ERCC6: variants seen among roughly 807,000 people sequenced by gnomAD.
The protein encoded by ERCC6 is ERCC excision repair 6, chromatin remodeling factor, also known as DNA excision repair protein ERCC-6.
Under a neutral mutation model 158.7 loss-of-function variants are expected in ERCC6, and 116 were observed. The ratio of observed to expected loss-of-function variants is 0.73; its 90% CI spans 0.63 to 0.85. The LOEUF is 0.85. ERCC6 is among the 40% of genes least tolerant of loss of function. ERCC6 has a pLI of 0.00. For missense variants in ERCC6, 1,698 were observed against 1,799.4 expected (o/e 0.94, Z 1.02); for synonymous variants, 678 against 659.3 (o/e 1.03, Z -0.43).
chr10:49,509,899 A>T (rs1851505330), intron 5 of ERCC6, among the ~76,000 whole-genome samples: 1 of 152,170 alleles, frequency 6.6e-6, no homozygotes, highest in Non-Finnish European at 1.5e-5. Flanking sequence ...AGCCACATAA[A>T]ACGAAGTGGT....
chr10:49,491,396 G>C (rs1446412752), intron 8 of ERCC6, among the ~76,000 whole-genome samples: 8 of 152,192 alleles, frequency 5.3e-5, no homozygotes, highest in African/African-American at 1.9e-4. Flanking sequence ...AAACTGTAAT[G>C]CTGTTTTTCC....
Position 49,532,604 on chromosome 10 carries a change from T to C in ERCC6, c.361A>G (p.Ser121Gly). 1 of 1,614,220 alleles carries C rather than the reference T, an allele frequency of 6.2e-7. No homozygotes were observed. The highest frequency in any genetic ancestry group is 1.1e-5 in the South Asian group (1 of 91,084). ...ACGTCAACGAGCTGGGAGGCACGGC[T>C]GGCCTCATGGATGGCATTGTCCACC... is the stretch of plus-strand genomic sequence containing the variant. ...QQVDNAIHEA[S>G]RASQLVDVEK... The change falls in exon 2 of 21, where the codon AGC becomes GGC. Residue 121 changes from serine to glycine, a missense_variant. Coordinates refer to ENST00000355832, the MANE Select transcript of ERCC6 (RefSeq NM_000124.4).
intron 3 of ERCC6, among the ~76,000 whole-genome samples, chr10:49,529,903 A>T (rs1410618903): frequency 5.3e-5 from 8 of 152,212 alleles, no homozygotes. Context: ...AAACTTCATA[A>T]AAATAATATC....
Position 49,458,891 on chromosome 10 carries a change from A to G in ERCC6, c.4406T>C (p.Leu1469Pro), listed in dbSNP as rs1430278383. 10 of 1,614,110 alleles carry G rather than the reference A, an allele frequency of 6.2e-6. No homozygotes were observed. The highest frequency in any genetic ancestry group is 8.5e-6 in the Non-Finnish European group (10 of 1,180,040). ...SASQSCVFRELLRNLCTFHRT... is the reference protein window; with the variant it reads ...SASQSCVFREPLRNLCTFHRT... Reference sequence around the variant, plus strand: ...ATGGAAAGTGCACAGATTTCTCAATAGTTCTCGGAAGACACAAGACTGTGA... The same window carrying G: ...ATGGAAAGTGCACAGATTTCTCAATGGTTCTCGGAAGACACAAGACTGTGA... Residue 1469 changes from leucine (L) to proline (P), a missense_variant, in exon 21 of 21, where the codon CTA (leucine) becomes CCA (proline). Transcript: ENST00000355832.
At chr10:49,486,920 G>A (rs1484075392) in intron 8 of ERCC6, among the ~76,000 whole-genome samples, 1 of 152,074 alleles carries the variant, frequency 6.6e-6, no homozygotes, top group Non-Finnish European at 1.5e-5. Flanking sequence ...GTGCATACAC[G>A]CCTCTAAACT....
intron 3 of ERCC6, 81 bp downstream of exon 3, chr10:49,530,639 T>C (rs1837447147): frequency 6.3e-7 from 1 of 1,579,376 alleles, no homozygotes; most frequent in African/African-American, 1.3e-5. Context: ...TTATAAGCAC[T>C]TTTTAAAATA....
At chr10:49,493,276 A>T (rs1851208900) in intron 7 of ERCC6, 24 bp from the exon 8 acceptor site, 2 of 1,613,962 alleles carry the variant, frequency 1.2e-6, no homozygotes, top group African/African-American at 2.7e-5. Context: ...TCCAAGAAGA[A>T]AACAACCATG....
Position 49,532,610 on chromosome 10 carries a change from C to A in ERCC6, c.355G>T (p.Glu119Ter), listed in dbSNP as rs1554794590. 3 of 1,614,228 alleles carry A rather than the reference C, an allele frequency of 1.9e-6. No individual in the cohort carries two copies. Among genetic ancestry groups the A allele is most frequent in the Non-Finnish European group, 2.5e-6 (3 of 1,180,044 alleles). The part of the protein sequence containing the change: ...VLQQVDNAIH[E>*]ASRASQLVDV... ...ACGAGCTGGGAGGCACGGCTGGCCTCATGGATGGCATTGTCCACCTGCTGA... is the reference window on the plus strand; with the variant it reads ...ACGAGCTGGGAGGCACGGCTGGCCTAATGGATGGCATTGTCCACCTGCTGA... Residue 119 changes from glutamate (E) to a stop codon, truncating the protein, a stop_gained, in exon 2 of 21, where the codon GAG becomes TAG. Coordinates refer to ENST00000355832, the MANE Select transcript of ERCC6 (RefSeq NM_000124.4). LOFTEE classifies it high-confidence loss of function.
At chr10:49,484,257 G>A (rs1479338885) in intron 8 of ERCC6, among the ~76,000 whole-genome samples, 5 of 149,558 alleles carry the variant, frequency 3.3e-5, no homozygotes, top group Non-Finnish European at 7.4e-5. Flanking sequence ...CTCCAGCCTG[G>A]GTGACAGTCA....
chr10:49,451,423 A>G (rs1850418901), downstream of ERCC6, among the ~76,000 whole-genome samples: 1 of 152,098 alleles, frequency 6.6e-6, no homozygotes, highest in Non-Finnish European at 1.5e-5. Flanking sequence ...GATTTTTCAT[A>G]GATGTTCTTT....
At chr10:49,475,007 C>G (rs1050520528) in intron 12 of ERCC6, among the ~76,000 whole-genome samples, 1 of 152,136 alleles carries the variant, frequency 6.6e-6, no homozygotes, top group Non-Finnish European at 1.5e-5. Flanking sequence ...CACTAGTAAA[C>G]AACAGTAAAC....
chr10:49,444,794 C>G, the ERCC6 span, among the ~76,000 whole-genome samples: 1 of 152,082 alleles, frequency 6.6e-6, no homozygotes, highest in African/African-American at 2.4e-5. Context: ...TTTTCCAAGA[C>G]AAGAACAACT....
intron 8 of ERCC6, among the ~76,000 whole-genome samples, chr10:49,490,008 C>T (rs1398447396): frequency 6.6e-6 from 1 of 152,064 alleles, no homozygotes; most frequent in East Asian, 1.9e-4. Context: ...ATGAAAGTTG[C>T]TCTATATTAG....
At chr10:49,502,315 T>C (rs1851369444) in intron 6 of ERCC6, 1 of 152,198 alleles carries the variant, frequency 6.6e-6, no homozygotes, top group Non-Finnish European at 1.5e-5. Context: ...ATACACACAC[T>C]GGATATGCAC....
chr10:49,493,516 T>C (rs763905070), intron 7 of ERCC6, among the ~76,000 whole-genome samples: 9 of 152,330 alleles, frequency 5.9e-5, no homozygotes, highest in Non-Finnish European at 8.8e-5. Flanking sequence ...ATAACATCTA[T>C]AGTAACATAA....
In ERCC6 at chr10:49,516,760, G is replaced by C. The variant is rs1177886031; in HGVS notation, c.1397+7273C>G. ...CTACCTGCTACGGGTTGTACAGTTAGGTCGGCTTTTTTCCATTTGCAAAGA... is the reference window on the plus strand; with the variant it reads ...CTACCTGCTACGGGTTGTACAGTTACGTCGGCTTTTTTCCATTTGCAAAGA... On this transcript the variant is annotated intron_variant, in intron 5 of 20. Transcript: ENST00000355832. The C allele has an allele frequency of 6.2e-7, 1 of 1,614,150 alleles. No individual in the cohort carries two copies. Among genetic ancestry groups the C allele is most frequent in the Admixed American group, 1.7e-5 (1 of 60,014 alleles).
At position 49,524,472 on chromosome 10, in the gene ERCC6, C is replaced by G. The variant is rs1218964618; in HGVS notation, c.958G>C (p.Val320Leu). 6.2e-7 allele frequency: 1 copy of G among 1,614,100 alleles called. No individual in the cohort carries two copies. Among genetic ancestry groups the G allele is most frequent in the Non-Finnish European group, 8.5e-7 (1 of 1,180,046 alleles). Residue 320 changes from valine to leucine, a missense_variant, in exon 5 of 21, where the codon GTT becomes CTT. Physicochemically the swap from Val to Leu is conservative, Grantham distance 32. Transcript: ENST00000355832. ...AAACGCTCCTCTTTTTTGGACAGAA[C>G]TCTGGCTTTCTTGTTTGGTTTGTTT... ...NKNKPNKKAR[V>L]LSKKEERLKK... is the part of the protein sequence containing the mutation.
rs552671614 is a variant in ERCC6, at chr10:49,458,551, A to C, written c.*264T>G. The C allele has an allele frequency of 4.9e-5, 21 of 428,320 alleles. No individual in the cohort carries two copies. The highest frequency in any genetic ancestry group is 2.9e-4 in the East Asian group (6 of 20,624). The allele number at this position is 428,320 out of a possible 1,614,324, so 26.5% of individuals were successfully genotyped here. A position where few individuals can be genotyped will look rare whatever the true frequency, so the allele number is the denominator to read the frequency against. ...AAATGTGCTCCAAGGAGTAACTGTT[A>C]GGTACCTGATTTACAATATAATTAG... is the stretch of plus-strand genomic sequence containing the variant. On this transcript the variant is annotated 3_prime_UTR_variant, in exon 21 of 21. Transcript: ENST00000355832.
At chr10:49,435,963 C>T in the ERCC6 span, among the ~76,000 whole-genome samples, 2 of 151,174 alleles carry the variant, frequency 1.3e-5, no homozygotes, top group Non-Finnish European at 2.9e-5. Context: ...GATCGTGCCA[C>T]TGTACTCCAG....
Sources: allele counts gnomAD v4.1 joint callset (sites outside exome capture counted in the v4.1 genomes callset), GRCh38; gene constraint gnomAD v4.1.1; transcripts MANE v1.5; gene names NCBI Gene and HGNC (gene_info 2026-07-23, HGNC 2026-07-21).